ANKMY2: variants seen among roughly 807,000 people sequenced by gnomAD.
ANKMY2 encodes the protein ankyrin repeat and MYND domain-containing protein 2.
ANKMY2 carries 36 observed loss-of-function variants against 50.4 expected under a neutral mutation model. The ratio of observed to expected loss-of-function variants is 0.71; its 90% CI spans 0.55 to 0.94. The LOEUF (loss-of-function observed/expected upper bound fraction) is 0.94, where lower values mean the gene tolerates loss of function less well. Among genes scored for constraint, ANKMY2 ranks in the 40% least tolerant of loss-of-function variants. The probability of loss-of-function intolerance (pLI) is 0.00; values close to 1 mark genes in which losing one functional copy is unlikely to be tolerated. For missense variants in ANKMY2, 565 were observed against 524.0 expected (o/e 1.08, Z -0.76); for synonymous variants, 187 against 178.8 (o/e 1.05, Z -0.36).
intron 2 of ANKMY2, among the ~76,000 whole-genome samples, chr7:16,628,081 T>C (rs974062859): frequency 1.3e-5 from 2 of 152,236 alleles, no homozygotes; most frequent in Non-Finnish European, 2.9e-5. Flanking sequence ...GCCTTTTATG[T>C]ACTAGGCACT....
chr7:16,636,055 C>T (rs1055334603), intron 2 of ANKMY2, among the ~76,000 whole-genome samples: 11 of 151,900 alleles, frequency 7.2e-5, no homozygotes, highest in Non-Finnish European at 1.6e-4. Context: ...CCTATAATCC[C>T]AGCACTTTGG....
intron 4 of ANKMY2, among the ~76,000 whole-genome samples, chr7:16,622,430 A>G (rs1182201580): frequency 1.3e-5 from 2 of 152,186 alleles, no homozygotes; most frequent in Non-Finnish European, 2.9e-5. Flanking sequence ...CCTTTTGGAA[A>G]GGAATCTAGA....
At chr7:16,609,893 CG>C in intron 6 of ANKMY2, 128 bp from the exon 7 acceptor site, 1 of 1,159,928 alleles carries the variant, frequency 8.6e-7, no homozygotes, top group African/African-American at 1.6e-5. Context: ...ATCATGATGA[CG>C]GGCTCAGTTC....
intron 3 of ANKMY2, 83 bp downstream of exon 3, chr7:16,626,956 CA>C (rs1021101157): frequency 6.4e-5 from 74 of 1,164,466 alleles, no homozygotes; most frequent in Non-Finnish European, 8.0e-5. Flanking sequence ...TTACTAAAAT[CA>C]AAATGAATTT....
At chr7:16,615,937 T>C (rs1487268144) in intron 4 of ANKMY2, 33 bp from the exon 5 acceptor site, 3 of 1,569,090 alleles carry the variant, frequency 1.9e-6, no homozygotes, top group Non-Finnish European at 2.6e-6. Flanking sequence ...GTTGTAGTTT[T>C]AGTATTAAAA....
chr7:16,641,647 T>C (rs895167547), intron 1 of ANKMY2, among the ~76,000 whole-genome samples: 6 of 152,114 alleles, frequency 3.9e-5, no homozygotes, highest in South Asian at 2.1e-4. Flanking sequence ...GAAACAACAA[T>C]TGGGCATCAA....
At chr7:16,626,066 C>G (rs1452881488) in intron 3 of ANKMY2, among the ~76,000 whole-genome samples, 1 of 147,736 alleles carries the variant, frequency 6.8e-6, no homozygotes, top group African/African-American at 2.5e-5. Context: ...ACTGCAACCT[C>G]TGCCTCCCAG....
chr7:16,644,751 T>C (rs543950840), intron 1 of ANKMY2: 6 of 470,310 alleles, frequency 1.3e-5, no homozygotes, highest in Admixed American at 4.7e-5. Context: ...CGGGGAAATA[T>C]GGCTTCTGGC....
chr7:16,606,414 G>C (rs1037952698), intron 7 of ANKMY2, among the ~76,000 whole-genome samples: 1 of 134,320 alleles, frequency 7.4e-6, no homozygotes, highest in Non-Finnish European at 1.6e-5. Context: ...TGGTGACAGT[G>C]CAAGACCTTG....
chr7:16,629,989 T>A (rs550574147), intron 2 of ANKMY2, among the ~76,000 whole-genome samples: 2 of 152,226 alleles, frequency 1.3e-5, no homozygotes, highest in East Asian at 3.9e-4. Context: ...TCAGTGTAAA[T>A]ATCCAGAAAA....
Position 16,608,088 on chromosome 7 carries a change from G to A in ANKMY2, c.882+1542C>T, listed in dbSNP as rs368675050. Among the ~76,000 whole-genome samples, 10 of 152,250 alleles carry A rather than the reference G, an allele frequency of 6.6e-5. No individual in the cohort carries two copies. The East Asian group carries it at 1.7e-3, about 26-fold the overall frequency. On this transcript the variant is annotated intron_variant, in intron 7 of 9. Transcript: ENST00000306999. ...GCATATGAGAACCTACACAGCTAAG[G>A]AATATTGGAAGGGAAAGATGAGAAA...
At chr7:16,612,750 T>C (rs1000136470) in intron 5 of ANKMY2, among the ~76,000 whole-genome samples, 11 of 152,198 alleles carry the variant, frequency 7.2e-5, no homozygotes, top group African/African-American at 2.7e-4. Flanking sequence ...CATGCGCTTA[T>C]TGAAACAACT....
chr7:16,632,741 A>G (rs1433226609), intron 2 of ANKMY2, among the ~76,000 whole-genome samples: 1 of 152,202 alleles, frequency 6.6e-6, no homozygotes, highest in East Asian at 1.9e-4. Context: ...TTTTGTGTGG[A>G]TATATGTTTT....
At chr7:16,620,921 AG>A (rs1781426684) in intron 4 of ANKMY2, among the ~76,000 whole-genome samples, 2 of 152,364 alleles carry the variant, frequency 1.3e-5, no homozygotes, top group Admixed American at 1.3e-4. Context: ...GAATTCAACA[AG>A]AAAAAGAGTG....
In ANKMY2 at chr7:16,645,493, C is replaced by T. The variant is rs1781824698; in HGVS notation, c.67+14G>A. 4 of 1,606,662 alleles carry T rather than the reference C, an allele frequency of 2.5e-6. No individual in the cohort carries two copies. The highest frequency in any genetic ancestry group is 2.2e-5 in the South Asian group (2 of 90,058). On this transcript the variant is annotated intron_variant, in intron 1 of 9. Coordinates refer to ENST00000306999, the MANE Select transcript of ANKMY2 (RefSeq NM_020319.3). ...CAGGCTGGCCGCGGCCGCGTCGCAG[C>T]CCAGCACCCGTACCTTTCCCGATGA...
At position 16,625,008 on chromosome 7, in the gene ANKMY2, T is replaced by C. The variant is rs765120871; in HGVS notation, c.345A>G (p.Thr115=). ...CCACAAAGGCTGCCATCTGAGCTGCTGTTCTTCCCACAGAGTTGACAACAT... is the reference window on the plus strand; with the variant it reads ...CCACAAAGGCTGCCATCTGAGCTGCCGTTCTTCCCACAGAGTTGACAACAT... ...ETDVVNSVGR[T]AAQMAAFVGQ... Residue 115 remains threonine (T), a synonymous_variant, in exon 4 of 10, where the codon ACA becomes ACG. Coordinates refer to ENST00000306999, the MANE Select transcript of ANKMY2 (RefSeq NM_020319.3). The C allele has an allele frequency of 7.4e-6, 12 of 1,614,090 alleles. No homozygotes were observed. The South Asian group carries it at 1.3e-4, about 18-fold the overall frequency.
At chr7:16,605,875 G>A (rs1156786083) in intron 7 of ANKMY2, among the ~76,000 whole-genome samples, 1 of 151,574 alleles carries the variant, frequency 6.6e-6, no homozygotes, top group Non-Finnish European at 1.5e-5. Context: ...AGTAGAGATG[G>A]GGTTTCACCG....
chr7:16,602,384 T>C lies in ANKMY2; in HGVS notation c.1137A>G (p.Glu379=), dbSNP rs1554399700. ...LEAAKEKRQE[E]NHGKLDVNSN... is the part of the protein sequence containing the mutation. ...ACTCGGTTTTTATATACATACGGTT[T>C]TCCTCTTGTCTCTTTTCTTTGGCAG... The change falls in exon 9 of 10, where the codon GAA becomes GAG. Residue 379 remains glutamate (E), a synonymous_variant. Coordinates refer to ENST00000306999, the MANE Select transcript of ANKMY2 (RefSeq NM_020319.3). 2 of 1,612,504 alleles carry C rather than the reference T, an allele frequency of 1.2e-6. No homozygotes were observed. Among genetic ancestry groups the C allele is most frequent in the Non-Finnish European group, 1.7e-6 (2 of 1,179,688 alleles).
At chr7:16,635,483 T>C (rs969889805) in intron 2 of ANKMY2, among the ~76,000 whole-genome samples, 1 of 152,176 alleles carries the variant, frequency 6.6e-6, no homozygotes, top group Middle Eastern at 3.2e-3. Context: ...ATTTTACACC[T>C]TAAATATGTA....
Sources: gnomAD v4.1 joint callset for allele counts (sites outside exome capture counted in the v4.1 genomes callset) on GRCh38, gnomAD v4.1.1 for gene constraint, MANE v1.5 for transcripts, NCBI Gene and HGNC (gene_info 2026-07-23, HGNC 2026-07-21) for gene names.